MTHFS: variants seen among roughly 807,000 people sequenced by gnomAD.
MTHFS encodes the protein 5-formyltetrahydrofolate cyclo-ligase.
MTHFS carries 7 observed loss-of-function variants against 12.7 expected under a neutral mutation model. The observed-to-expected ratio is 0.55, with a 90% CI of 0.31 to 1.03. The LOEUF is 1.03. MTHFS is among the 50% of genes least tolerant of loss of function. The pLI is 0.05. For synonymous variants in MTHFS, 100 were observed against 97.1 expected, an observed-to-expected ratio of 1.03 and a Z score of -0.18; for missense variants, 252 against 258.1, an observed-to-expected ratio of 0.98 and a Z score of 0.16.
At chr15:79,870,865 G>A (rs2034091110) in intron 2 of MTHFS, among the ~76,000 whole-genome samples, 1 of 152,176 alleles carries the variant, frequency 6.6e-6, no homozygotes, top group Non-Finnish European at 1.5e-5. Flanking sequence ...CACATTGGCC[G>A]GGCGTGGTGG....
rs934255181 is a variant in MTHFS at position 79,844,137 on chromosome 15, T to C, written c.*1073A>G. 1.3e-5 allele frequency: 2 copies of C among 152,194 alleles called. No individual in the cohort carries two copies. The highest frequency in any genetic ancestry group is 4.8e-5 in the African/African-American group (2 of 41,454). 9.4% of individuals were successfully genotyped at this position (152,194 alleles called of 1,614,324 possible). ...CATCTGTTTGCTACCCAAGAGGCTC[T>C]GAACAGCCACCGGAAGACCTTAGTC... On this transcript the variant is annotated 3_prime_UTR_variant, in exon 3 of 3. Coordinates refer to ENST00000258874, the MANE Select transcript of MTHFS (RefSeq NM_006441.4).
At chr15:79,896,682 A>C in intron 1 of MTHFS, 190 bp downstream of exon 1, 1 of 1,063,908 alleles carries the variant, frequency 9.4e-7, no homozygotes, top group Non-Finnish European at 1.3e-6. Context: ...TCTCCCCGCC[A>C]TAGTGCCAAG....
At chr15:79,881,635 G>C (rs1205127381) in intron 2 of MTHFS, among the ~76,000 whole-genome samples, 1 of 151,716 alleles carries the variant, frequency 6.6e-6, no homozygotes, top group Non-Finnish European at 1.5e-5. Context: ...ATGTGACTCA[G>C]TCCAAGTTCT....
chr15:79,883,150 G>C (rs1345433419), intron 2 of MTHFS, among the ~76,000 whole-genome samples: 2 of 152,328 alleles, frequency 1.3e-5, no homozygotes, highest in East Asian at 1.9e-4. Flanking sequence ...GTTACAGTTA[G>C]CTATGATTAC....
At position 79,896,947 on chromosome 15, in the gene MTHFS, C is replaced by T. The variant is rs541013732; in HGVS notation, c.42G>A (p.Arg14=). The T allele has an allele frequency of 1.0e-5, 16 of 1,537,794 alleles. No individual in the cohort carries two copies. In the African/African-American group the frequency reaches 2.1e-4, roughly 20 times the overall value. ...AAVSSAKRSL[R]GELKQRLRAM... ...CCCGCAGACGCTGCTTCAGCTCTCC[C>T]CGCAGGCTCCGCTTGGCGCTGCTCA... Residue 14 remains arginine (R), a synonymous_variant, in exon 1 of 3, where the codon CGG becomes CGA. Coordinates refer to ENST00000258874, the MANE Select transcript of MTHFS (RefSeq NM_006441.4).
At chr15:79,862,855 C>A (rs1358963732) in intron 2 of MTHFS, among the ~76,000 whole-genome samples, 2 of 152,164 alleles carry the variant, frequency 1.3e-5, no homozygotes, top group Non-Finnish European at 2.9e-5. Flanking sequence ...TTGCCATGGC[C>A]TCATCACCTA....
In MTHFS at chr15:79,845,099, C is replaced by G. The variant is rs937679912; in HGVS notation, c.*111G>C. 7.3e-6 allele frequency: 10 copies of G among 1,364,360 alleles called. No homozygotes were observed. The highest frequency in any genetic ancestry group is 9.9e-6 in the Non-Finnish European group (10 of 1,006,152). 84.5% of individuals were successfully genotyped at this position (1,364,360 alleles called of 1,614,324 possible). ...CATAATTACAATTTTAAAATGCAGTCTGTATTCACATTAATGAACAATTTC... is the reference window on the plus strand; with the variant it reads ...CATAATTACAATTTTAAAATGCAGTGTGTATTCACATTAATGAACAATTTC... On this transcript the variant is annotated 3_prime_UTR_variant, in exon 3 of 3. Coordinates refer to ENST00000258874, the MANE Select transcript of MTHFS (RefSeq NM_006441.4).
intron 1 of MTHFS, 123 bp from the exon 2 acceptor site, chr15:79,889,477 G>C (rs527240352): frequency 1.3e-4 from 178 of 1,381,050 alleles, no homozygotes; most frequent in Middle Eastern, 2.6e-4. Context: ...AAAAAAAAGG[G>C]GGGGGGACCA....
intron 1 of MTHFS, among the ~76,000 whole-genome samples, chr15:79,890,808 ATTGTTTT>A (rs2034460674): frequency 6.6e-6 from 1 of 152,170 alleles, no homozygotes; most frequent in Non-Finnish European, 1.5e-5. Flanking sequence ...AAGTTACAAA[ATTGTTTT>A]GAGGCCTGAA....
chr15:79,857,168 A>C (rs1489866383), intron 2 of MTHFS, among the ~76,000 whole-genome samples: 1 of 151,014 alleles, frequency 6.6e-6, no homozygotes, highest in Non-Finnish European at 1.5e-5. Flanking sequence ...GCTAATTTTT[A>C]TATTTTTTTA....
intron 2 of MTHFS, among the ~76,000 whole-genome samples, chr15:79,853,415 A>G (rs2033748267): frequency 6.6e-6 from 1 of 152,124 alleles, no homozygotes. Context: ...GCTAAGAAAC[A>G]TTAGTAAAGT....
At chr15:79,861,458 A>G (rs1566990106) in intron 2 of MTHFS, among the ~76,000 whole-genome samples, 1 of 152,142 alleles carries the variant, frequency 6.6e-6, no homozygotes, top group Admixed American at 6.5e-5. Context: ...TCGGCCATTC[A>G]CTCACTCAGG....
intron 2 of MTHFS, among the ~76,000 whole-genome samples, chr15:79,874,207 G>A (rs535218751): frequency 1.3e-5 from 2 of 151,388 alleles, no homozygotes; most frequent in East Asian, 3.9e-4. Context: ...TGGGAAAAAT[G>A]GTCAAAATCA....
chr15:79,849,502 CT>C (rs1273361119), intron 2 of MTHFS, among the ~76,000 whole-genome samples: 1 of 152,120 alleles, frequency 6.6e-6, no homozygotes, highest in Non-Finnish European at 1.5e-5. Context: ...GCTCAACAAG[CT>C]TCCCTCACAC....
intron 2 of MTHFS, among the ~76,000 whole-genome samples, chr15:79,884,624 C>T (rs1409895484): frequency 1.3e-5 from 2 of 151,952 alleles, no homozygotes; most frequent in African/African-American, 2.4e-5. Flanking sequence ...AAAGAAAAAC[C>T]TGGTAATAAG....
intron 2 of MTHFS, among the ~76,000 whole-genome samples, chr15:79,858,015 CAAAAAA>C (rs71453466): frequency 1.7e-5 from 1 of 59,504 alleles, no homozygotes; most frequent in African/African-American, 6.3e-5. Context: ...GACTCCATCT[CAAAAAA>C]AAAAAAAAAA....
chr15:79,846,256 G>C (rs2033613489), intron 2 of MTHFS, among the ~76,000 whole-genome samples: 1 of 152,172 alleles, frequency 6.6e-6, no homozygotes, highest in Non-Finnish European at 1.5e-5. Flanking sequence ...TCCAGCCTCT[G>C]GCAAGAAACA....
At chr15:79,882,922 T>G (rs1366849064) in intron 2 of MTHFS, among the ~76,000 whole-genome samples, 1 of 152,198 alleles carries the variant, frequency 6.6e-6, no homozygotes, top group Admixed American at 6.5e-5. Context: ...ATAAAAAATG[T>G]TGGTTGGGTG....
intron 2 of MTHFS, among the ~76,000 whole-genome samples, chr15:79,885,490 ACT>A (rs1292550520): frequency 1.3e-5 from 2 of 151,988 alleles, no homozygotes; most frequent in Non-Finnish European, 2.9e-5. Context: ...CACAACAAAC[ACT>A]CTCACCCTAC....
Sources: allele counts gnomAD v4.1 joint callset (sites outside exome capture counted in the v4.1 genomes callset), GRCh38; gene constraint gnomAD v4.1.1; transcripts MANE v1.5; gene names NCBI Gene and HGNC (gene_info 2026-07-23, HGNC 2026-07-21).